Variants in PKN3 observed in about 807,000 individuals in gnomAD.
The protein encoded by PKN3 is protein kinase N3, also known as serine/threonine-protein kinase N3.
In PKN3, 91 loss-of-function variants were observed where a neutral mutation model predicts 113.1. The observed-to-expected ratio is 0.80, with a 90% CI of 0.68 to 0.96. PKN3 has a LOEUF of 0.96. PKN3 is among the 40% of genes least tolerant of loss of function. The pLI is 0.00. For synonymous variants in PKN3, 467 were observed against 499.0 expected, an observed-to-expected ratio of 0.94 and a Z score of 0.85; for missense variants, 1,052 against 1,202.2, an observed-to-expected ratio of 0.88 and a Z score of 1.85.
Position 128,720,385 on chromosome 9 carries a change from TGC to T in PKN3, c.2458-8_2458-7del. The T allele has an allele frequency of 6.2e-7, 1 of 1,613,010 alleles. No homozygotes were observed. The highest frequency in any genetic ancestry group is 1.7e-4 in the Middle Eastern group (1 of 6,060). ...CCTGCCGTCTCAGGCGCCTCTCCTT[TGC>T]CCTCAGACCACCAACTGGCAAGCCC... On this transcript the variant is annotated splice_polypyrimidine_tract_variant and splice_region_variant and intron_variant, in intron 21 of 21. Transcript: ENST00000291906. The surrounding 1 kb of genome is among the most constrained non-coding windows in gnomAD (Gnocchi z 5.5).
chr9:128,718,219 G>T, intron 16 of PKN3, 106 bp from the exon 17 acceptor site: 3 of 837,940 alleles, frequency 3.6e-6, no homozygotes, highest in Non-Finnish European at 6.2e-6. Context: ...CTCTGACTCT[G>T]GCCGGGACAT....
intron 6 of PKN3, among the ~76,000 whole-genome samples, chr9:128,708,825 A>G (rs936379333): frequency 2.1e-5 from 3 of 139,852 alleles, no homozygotes; most frequent in African/African-American, 8.1e-5. Flanking sequence ...CGTGGGTGAC[A>G]CAGCAAAACT....
At chr9:128,716,283 G>A (rs190235554) in intron 15 of PKN3, among the ~76,000 whole-genome samples, 323 of 121,076 alleles carry the variant, frequency 2.7e-3, no homozygotes, top group Middle Eastern at 0.011. Context: ...GGGCAAGAAA[G>A]TGAGACCCTG....
At chr9:128,711,702 G>A (rs1204785966) in intron 6 of PKN3, among the ~76,000 whole-genome samples, 1 of 151,092 alleles carries the variant, frequency 6.6e-6, no homozygotes, top group Non-Finnish European at 1.5e-5. Flanking sequence ...AGGTTCAAGC[G>A]ATTCTCCTGC....
intron 6 of PKN3, 107 bp downstream of exon 6, chr9:128,707,512 AC>A: frequency 1.1e-6 from 1 of 904,646 alleles, no homozygotes; most frequent in South Asian, 1.7e-5. Flanking sequence ...CTGCCCCAGC[AC>A]CCACTAGCAG....
intron 18 of PKN3, 80 bp from the exon 19 acceptor site, chr9:128,719,606 T>A (rs1199933307): frequency 7.1e-7 from 1 of 1,411,022 alleles, no homozygotes; most frequent in Non-Finnish European, 9.6e-7. Flanking sequence ...CTCAGCTCCC[T>A]GGCATCATAA....
intron 1 of PKN3, chr9:128,703,945 CTTTG>C (rs1861930493): frequency 1.0e-6 from 1 of 985,366 alleles, no homozygotes; most frequent in South Asian, 4.7e-5. Flanking sequence ...TCCATGGGAC[CTTTG>C]TTTGCTCCGG....
At chr9:128,718,242 C>G (rs994332140) in intron 16 of PKN3, 83 bp from the exon 17 acceptor site, 5 of 1,046,978 alleles carry the variant, frequency 4.8e-6, no homozygotes, top group African/African-American at 1.6e-5. Context: ...GGGATCCCCC[C>G]GCTATGGCCA....
In PKN3 at chr9:128,720,625, C is replaced by CT; in HGVS notation, c.*20dup. On this transcript the variant is annotated 3_prime_UTR_variant, in exon 22 of 22. Coordinates refer to ENST00000291906, the MANE Select transcript of PKN3 (RefSeq NM_013355.5). The surrounding 1 kb of genome is among the most constrained non-coding windows in gnomAD (Gnocchi z 5.5). ...ACCCTGAGGGCATCTCCTGGCACCT[C>CT]TGTCCCCTTCCCCCACAGACTGTTA... 6.3e-7 allele frequency: 1 copy of CT among 1,598,662 alleles called. No homozygotes were observed. Among genetic ancestry groups the CT allele is most frequent in the Non-Finnish European group, 8.6e-7 (1 of 1,168,816 alleles).
chr9:128,712,205 C>T (rs549087121), intron 6 of PKN3, among the ~76,000 whole-genome samples: 30 of 152,260 alleles, frequency 2.0e-4, no homozygotes, highest in East Asian at 1.9e-3. Flanking sequence ...CCACTGCGCC[C>T]GGCCGAGCTG....
At chr9:128,703,714 A>T (rs1861922252) in intron 1 of PKN3, 1 of 985,396 alleles carries the variant, frequency 1.0e-6, no homozygotes, top group South Asian at 4.7e-5. Flanking sequence ...AGACGGGACC[A>T]TGGGGGTGTT....
intron 8 of PKN3, 28 bp from the exon 9 acceptor site, chr9:128,713,470 CA>C: frequency 6.2e-7 from 1 of 1,613,786 alleles, no homozygotes; most frequent in Non-Finnish European, 8.5e-7. Context: ...TTCTGCACCC[CA>C]CCCTTCAGCC....
In PKN3 at chr9:128,720,873, T is replaced by C; in HGVS notation, c.*267T>C. ...CCGCAGCAAGGAGTGATATGGTTTG[T>C]CTTTTTAAGACTGGACTTGCTTTAT... is the stretch of plus-strand genomic sequence containing the variant. On this transcript the variant is annotated 3_prime_UTR_variant, in exon 22 of 22. Coordinates refer to ENST00000291906, the MANE Select transcript of PKN3 (RefSeq NM_013355.5). The surrounding 1 kb of genome is among the most constrained non-coding windows in gnomAD (Gnocchi z 5.5). 1 of 581,910 alleles carries C rather than the reference T, an allele frequency of 1.7e-6. No homozygotes were observed. The highest frequency in any genetic ancestry group is 2.9e-5 in the East Asian group (1 of 34,780). 36.0% of individuals were successfully genotyped at this position (581,910 alleles called of 1,614,324 possible). A position where few individuals can be genotyped will look rare whatever the true frequency, so the allele number is the denominator to read the frequency against.
intron 1 of PKN3, chr9:128,703,696 C>T: frequency 1.0e-6 from 1 of 985,392 alleles, no homozygotes; most frequent in Non-Finnish European, 1.2e-6. Flanking sequence ...GGAGTTCCAA[C>T]CCAGGGCAGA....
rs573224639 is a variant in PKN3, at chr9:128,704,544, C to T, written c.25-759C>T. Among the ~76,000 whole-genome samples, 6 of 152,290 alleles carry T rather than the reference C, an allele frequency of 3.9e-5. No individual in the cohort carries two copies. The South Asian group carries it at 8.3e-4, about 21-fold the overall frequency. On this transcript the variant is annotated intron_variant, in intron 1 of 21. Coordinates refer to ENST00000291906, the MANE Select transcript of PKN3 (RefSeq NM_013355.5). ...AGGGCTGCCAGGGACAGCTGGGGCC[C>T]GAGAGATGGTGGCCCCTCCTCTGTG...
At chr9:128,707,085 GGT>G in intron 5 of PKN3, 62 bp downstream of exon 5, 2 of 1,605,450 alleles carry the variant, frequency 1.2e-6, no homozygotes, top group Non-Finnish European at 1.7e-6. Flanking sequence ...CCTCAGCAGG[GGT>G]GTGAAGGGAG....
intron 6 of PKN3, among the ~76,000 whole-genome samples, chr9:128,708,570 C>T (rs936495370): frequency 4.0e-5 from 6 of 151,604 alleles, no homozygotes; most frequent in African/African-American, 1.5e-4. Flanking sequence ...CTTGGCTGGG[C>T]ACAGTGGCTC....
rs1861888569 is a variant in PKN3 at position 128,702,668 on chromosome 9, C to T, written c.-248C>T. ...CCCGGGTACTGGGCCCAGAATCCCGCGGAATTTTGGATCCGAGGGAGGCGC... is the reference window on the plus strand; with the variant it reads ...CCCGGGTACTGGGCCCAGAATCCCGTGGAATTTTGGATCCGAGGGAGGCGC... On this transcript the variant is annotated 5_prime_UTR_variant, in exon 1 of 22. Coordinates refer to ENST00000291906, the MANE Select transcript of PKN3 (RefSeq NM_013355.5). 1 of 447,360 alleles carries T rather than the reference C, an allele frequency of 2.2e-6. No homozygotes were observed. The highest frequency in any genetic ancestry group is 4.2e-5 in the South Asian group (1 of 24,048). The allele number at this position is 447,360 out of a possible 1,614,324, so 27.7% of individuals were successfully genotyped here. A position where few individuals can be genotyped will look rare whatever the true frequency, so the allele number is the denominator to read the frequency against.
In PKN3 at chr9:128,713,556, GCCTT is replaced by G; in HGVS notation, c.1154_1157del (p.Phe385Ter). On this transcript the variant is annotated frameshift_variant, in exon 9 of 22. Coordinates refer to ENST00000291906, the MANE Select transcript of PKN3 (RefSeq NM_013355.5). LOFTEE classifies it high-confidence loss of function. Reference sequence around the variant, plus strand: ...GGACTGGCGGCAGCTATGTGGCGTGGCCTTCCTGAGACTTGAGGACTTCCTGGAC... The same window carrying G: ...GGACTGGCGGCAGCTATGTGGCGTGGCCTGAGACTTGAGGACTTCCTGGAC... 6.2e-7 allele frequency: 1 copy of G among 1,613,896 alleles called. No homozygotes were observed. Among genetic ancestry groups the G allele is most frequent in the Non-Finnish European group, 8.5e-7 (1 of 1,179,994 alleles).
Sources: allele counts gnomAD v4.1 joint callset (sites outside exome capture counted in the v4.1 genomes callset), GRCh38; gene constraint gnomAD v4.1.1; non-coding constraint Gnocchi (gnomAD v3.1); transcripts MANE v1.5; gene names NCBI Gene and HGNC (gene_info 2026-07-23, HGNC 2026-07-21).